LRRC4C: variants seen among roughly 807,000 people sequenced by gnomAD.
The protein encoded by LRRC4C is leucine-rich repeat-containing protein 4C.
In LRRC4C, 5 loss-of-function variants were observed where a neutral mutation model predicts 33.6. The observed-to-expected ratio is 0.15, with a 90% CI of 0.08 to 0.31. The LOEUF is 0.31. Ranked by LOEUF, LRRC4C falls within the 10% of genes least tolerant of loss-of-function variation. The probability of loss-of-function intolerance (pLI) is 1.00; values close to 1 mark genes in which losing one functional copy is unlikely to be tolerated. For missense variants in LRRC4C, 560 were observed against 796.7 expected (o/e 0.70, Z 3.58); for synonymous variants, 329 against 302.0 (o/e 1.09, Z -0.93).
At chr11:40,145,077 T>C (rs1378124578) in intron 5 of LRRC4C, among the ~76,000 whole-genome samples, 1 of 152,180 alleles carries the variant, frequency 6.6e-6, no homozygotes, top group African/African-American at 2.4e-5. Flanking sequence ...ACATATTCCA[T>C]TCCATGGGCA....
intron 1 of LRRC4C, among the ~76,000 whole-genome samples, chr11:41,388,302 C>T (rs905930540): frequency 5.3e-5 from 8 of 151,830 alleles, no homozygotes; most frequent in East Asian, 2.0e-4. Context: ...AGTAAAGATG[C>T]GTTTTTGAAG....
intron 3 of LRRC4C, among the ~76,000 whole-genome samples, chr11:40,564,813 T>C (rs1163283698): frequency 6.6e-6 from 1 of 152,168 alleles, no homozygotes; most frequent in Non-Finnish European, 1.5e-5. Flanking sequence ...AGTGGACAAG[T>C]TGCCATTTTG....
At chr11:40,141,211 G>A (rs888036033) in intron 5 of LRRC4C, among the ~76,000 whole-genome samples, 1 of 152,030 alleles carries the variant, frequency 6.6e-6, no homozygotes, top group African/African-American at 2.4e-5. Flanking sequence ...TGATGGATAG[G>A]AAAGGGTTAA....
chr11:40,789,010 G>A (rs1450646543), intron 2 of LRRC4C, among the ~76,000 whole-genome samples: 1 of 149,304 alleles, frequency 6.7e-6, no homozygotes, highest in Non-Finnish European at 1.5e-5. Context: ...GGAGAATGGC[G>A]TGAACCCGGG....
chr11:41,270,914 G>A (rs1032279883), intron 1 of LRRC4C, among the ~76,000 whole-genome samples: 12 of 152,012 alleles, frequency 7.9e-5, no homozygotes, highest in African/African-American at 2.9e-4. Context: ...GTAGCTGCTG[G>A]AAATCCTAGA....
chr11:40,641,739 C>G (rs1267798207), intron 3 of LRRC4C, among the ~76,000 whole-genome samples: 2 of 152,192 alleles, frequency 1.3e-5, no homozygotes, highest in African/African-American at 2.4e-5. Flanking sequence ...TGCTTGCTCT[C>G]CATCAGGGTT....
intron 1 of LRRC4C, among the ~76,000 whole-genome samples, chr11:41,249,160 G>C (rs1019202996): frequency 2.6e-5 from 4 of 151,118 alleles, no homozygotes; most frequent in Admixed American, 2.6e-4. Flanking sequence ...TCAGCCTCCC[G>C]AGTACCTGGG....
intron 1 of LRRC4C, among the ~76,000 whole-genome samples, chr11:41,357,582 T>C (rs1952205602): frequency 6.6e-6 from 1 of 152,124 alleles, no homozygotes; most frequent in Non-Finnish European, 1.5e-5. Flanking sequence ...CTCTGTGGCC[T>C]ACTTTCCTAA....
intron 3 of LRRC4C, among the ~76,000 whole-genome samples, chr11:40,616,686 C>T (rs1430761400): frequency 6.6e-6 from 1 of 151,872 alleles, no homozygotes; most frequent in African/African-American, 2.4e-5. Context: ...TGCATGTTCT[C>T]ACTCATAGGT....
At chr11:41,338,070 C>A (rs960669376) in intron 1 of LRRC4C, among the ~76,000 whole-genome samples, 1 of 152,152 alleles carries the variant, frequency 6.6e-6, no homozygotes, top group Non-Finnish European at 1.5e-5. Context: ...AATGGGAAAG[C>A]TTTTACACTG....
intron 1 of LRRC4C, among the ~76,000 whole-genome samples, chr11:41,432,659 C>G (rs1490195644): frequency 6.6e-6 from 1 of 152,020 alleles, no homozygotes; most frequent in East Asian, 1.9e-4. Flanking sequence ...AACATACACA[C>G]ACATGCACAG....
chr11:40,797,331 T>C (rs1347630173), intron 2 of LRRC4C, among the ~76,000 whole-genome samples: 1 of 152,094 alleles, frequency 6.6e-6, no homozygotes. Context: ...TAGGTGTTAC[T>C]GTGGGGCATC....
chr11:40,983,408 A>T (rs1041550376), intron 1 of LRRC4C, among the ~76,000 whole-genome samples: 1 of 152,188 alleles, frequency 6.6e-6, no homozygotes. Flanking sequence ...AACCTATATA[A>T]ACTTTGGAAG....
At chr11:40,911,471 C>A (rs1181794881) in intron 2 of LRRC4C, among the ~76,000 whole-genome samples, 1 of 152,174 alleles carries the variant, frequency 6.6e-6, no homozygotes, top group Non-Finnish European at 1.5e-5. Flanking sequence ...TCCAACAGAC[C>A]TACAGCTGAG....
intron 1 of LRRC4C, among the ~76,000 whole-genome samples, chr11:41,365,313 G>C (rs768191278): frequency 2.0e-4 from 30 of 151,750 alleles, no homozygotes; most frequent in Non-Finnish European, 4.0e-4. Context: ...CCCCAGATGG[G>C]ACCATCTAGT....
At chr11:41,074,315 TAAAG>T (rs1318364591) in intron 1 of LRRC4C, among the ~76,000 whole-genome samples, 1 of 152,150 alleles carries the variant, frequency 6.6e-6, no homozygotes, top group East Asian at 1.9e-4. Context: ...GAAGAAAATA[TAAAG>T]AGAGATCTTT....
intron 1 of LRRC4C, among the ~76,000 whole-genome samples, chr11:41,337,304 T>C (rs1951488209): frequency 6.6e-6 from 1 of 152,136 alleles, no homozygotes; most frequent in Non-Finnish European, 1.5e-5. Context: ...CCCTGACCTC[T>C]CATAGTGTTG....
chr11:41,293,109 C>T (rs1434165078), intron 1 of LRRC4C, among the ~76,000 whole-genome samples: 2 of 152,066 alleles, frequency 1.3e-5, no homozygotes, highest in African/African-American at 4.8e-5. Flanking sequence ...AGGAGAAATG[C>T]TCCAAATATA....
chr11:40,398,256 T>C (rs1949620211), intron 3 of LRRC4C, among the ~76,000 whole-genome samples: 1 of 152,088 alleles, frequency 6.6e-6, no homozygotes. Flanking sequence ...ATACTATTCA[T>C]AGAAAATTAT....
Sources: gnomAD v4.1 joint callset for allele counts (sites outside exome capture counted in the v4.1 genomes callset) on GRCh38, gnomAD v4.1.1 for gene constraint, MANE v1.5 for transcripts, NCBI Gene and HGNC (gene_info 2026-07-23, HGNC 2026-07-21) for gene names.